Variants in DLGAP2 observed in about 807,000 individuals in gnomAD.
The protein encoded by DLGAP2 is DLG associated protein 2.
DLGAP2 carries 26 observed loss-of-function variants against 100.3 expected under a neutral mutation model. The observed-to-expected ratio is 0.26, with a 90% CI of 0.19 to 0.36. The LOEUF (loss-of-function observed/expected upper bound fraction) is 0.36. Ranked by LOEUF, DLGAP2 falls within the 10% of genes least tolerant of loss-of-function variation. The pLI is 1.00. For missense variants in DLGAP2, 1,858 were observed against 1,453.2 expected, an observed-to-expected ratio of 1.28 and a Z score of -4.53; for synonymous variants, 886 against 630.1, an observed-to-expected ratio of 1.41 and a Z score of -6.08.
At chr8:1,564,736 C>T (rs1261310635) in intron 5 of DLGAP2, among the ~76,000 whole-genome samples, 1 of 152,212 alleles carries the variant, frequency 6.6e-6, no homozygotes, top group Non-Finnish European at 1.5e-5. Flanking sequence ...AAGTCTGCAC[C>T]AGGCAGACAC....
intron 2 of DLGAP2, among the ~76,000 whole-genome samples, chr8:1,097,839 G>T (rs1255512894): frequency 1.4e-5 from 2 of 146,476 alleles, no homozygotes; most frequent in African/African-American, 5.1e-5. Flanking sequence ...TGGCAGCCCG[G>T]GGCAGGCCTT....
intron 2 of DLGAP2, among the ~76,000 whole-genome samples, chr8:976,899 A>G (rs183820550): frequency 6.6e-6 from 1 of 152,258 alleles, no homozygotes; most frequent in South Asian, 2.1e-4. Flanking sequence ...TAGATATAGT[A>G]CCAAAAGCAC....
intron 2 of DLGAP2, among the ~76,000 whole-genome samples, chr8:1,049,219 T>C (rs1453834816): frequency 6.6e-6 from 1 of 152,168 alleles, no homozygotes; most frequent in East Asian, 1.9e-4. Flanking sequence ...GGGGAAAATG[T>C]GTAATGAAAT....
intron 2 of DLGAP2, among the ~76,000 whole-genome samples, chr8:1,238,551 C>T (rs1406065736): frequency 2.3e-5 from 2 of 87,370 alleles, no homozygotes; most frequent in East Asian, 3.3e-4. Context: ...TCACATGGTG[C>T]CGTGTCTAGT....
At chr8:1,442,656 C>T (rs959617032) in intron 3 of DLGAP2, among the ~76,000 whole-genome samples, 4 of 145,538 alleles carry the variant, frequency 2.7e-5, no homozygotes, top group Admixed American at 1.4e-4. Context: ...CTGGAGGAGA[C>T]GGATCCGGGC....
intron 2 of DLGAP2, among the ~76,000 whole-genome samples, chr8:1,084,472 C>G (rs1052011345): frequency 6.6e-6 from 1 of 152,176 alleles, no homozygotes; most frequent in Non-Finnish European, 1.5e-5. Flanking sequence ...TGCTATTGAT[C>G]TAGAGACAGA....
chr8:1,337,399 GTGATGATGGTGA>G (rs1801306153), intron 3 of DLGAP2, among the ~76,000 whole-genome samples: 2 of 1,536 alleles, frequency 1.3e-3, no homozygotes, highest in Non-Finnish European at 2.0e-3. Context: ...GAGGATGATG[GTGATGATGGTGA>G]TGGTGAGGAT....
At chr8:904,833 A>G (rs1231619203) in intron 1 of DLGAP2, among the ~76,000 whole-genome samples, 1 of 152,218 alleles carries the variant, frequency 6.6e-6, no homozygotes, top group African/African-American at 2.4e-5. Context: ...GTTGTGTGGA[A>G]TTGAACTTTT....
At chr8:789,962 C>T (rs1190067470) in intron 1 of DLGAP2, among the ~76,000 whole-genome samples, 1 of 152,170 alleles carries the variant, frequency 6.6e-6, no homozygotes, top group Non-Finnish European at 1.5e-5. Flanking sequence ...CTGTTTTGTC[C>T]TGTGGAAAGT....
intron 1 of DLGAP2, among the ~76,000 whole-genome samples, chr8:777,236 A>G (rs1397451007): frequency 1.4e-4 from 21 of 150,764 alleles, no homozygotes; most frequent in African/African-American, 4.4e-4. Context: ...TTTTGAGCCT[A>G]TGTGTGTCTC....
intron 1 of DLGAP2, among the ~76,000 whole-genome samples, chr8:866,014 G>C (rs772919138): frequency 2.6e-5 from 4 of 152,198 alleles, no homozygotes; most frequent in Non-Finnish European, 5.9e-5. Context: ...ACTTTTATGG[G>C]TCTCTTTTTA....
intron 1 of DLGAP2, chr8:893,130 C>T (rs962014871): frequency 1.3e-5 from 2 of 152,202 alleles, no homozygotes; most frequent in Non-Finnish European, 2.9e-5. Context: ...GGAAGTGGAA[C>T]CGAGGGCAGG....
intron 4 of DLGAP2, among the ~76,000 whole-genome samples, chr8:1,519,809 G>C (rs956176188): frequency 6.6e-6 from 1 of 152,276 alleles, no homozygotes; most frequent in African/African-American, 2.4e-5. Flanking sequence ...AGTGGGTTTT[G>C]TGCTCAGCAG....
At chr8:988,420 C>G (rs1473210468) in intron 2 of DLGAP2, among the ~76,000 whole-genome samples, 1 of 152,202 alleles carries the variant, frequency 6.6e-6, no homozygotes, top group Admixed American at 6.5e-5. Flanking sequence ...TCTCTTATTA[C>G]CTGCCCAAAG....
At chr8:892,472 A>G (rs1266561372) in intron 1 of DLGAP2, among the ~76,000 whole-genome samples, 1 of 152,084 alleles carries the variant, frequency 6.6e-6, no homozygotes, top group Non-Finnish European at 1.5e-5. Flanking sequence ...GTGTGACTCC[A>G]CTCATACAAT....
At chr8:1,627,110 A>AT (rs1271228080) in intron 7 of DLGAP2, among the ~76,000 whole-genome samples, 1 of 152,072 alleles carries the variant, frequency 6.6e-6, no homozygotes, top group Non-Finnish European at 1.5e-5. Flanking sequence ...TTTTGCGTTG[A>AT]TTTTTTTCTG....
chr8:1,058,472 A>ACCTGCCCAT (rs1802951176), intron 2 of DLGAP2, among the ~76,000 whole-genome samples: 1 of 152,186 alleles, frequency 6.6e-6, no homozygotes. Context: ...GGCTTCTAAT[A>ACCTGCCCAT]CCTGCCCATG....
intron 2 of DLGAP2, among the ~76,000 whole-genome samples, chr8:1,128,701 A>G (rs1796225893): frequency 6.6e-6 from 1 of 152,222 alleles, no homozygotes. Flanking sequence ...GCTACTTGGT[A>G]TTTTATATAC....
At chr8:1,039,052 C>T (rs1802216677) in intron 2 of DLGAP2, among the ~76,000 whole-genome samples, 2 of 152,176 alleles carry the variant, frequency 1.3e-5, no homozygotes, top group African/African-American at 4.8e-5. Context: ...AGTTTTCAGC[C>T]CCACTTTCCT....
Sources: gnomAD v4.1 joint callset for allele counts (sites outside exome capture counted in the v4.1 genomes callset) on GRCh38, gnomAD v4.1.1 for gene constraint, MANE v1.5 for transcripts, NCBI Gene and HGNC (gene_info 2026-07-23, HGNC 2026-07-21) for gene names.